Variants in DOCK4 observed in about 807,000 individuals in gnomAD.
The protein encoded by DOCK4 is dedicator of cytokinesis 4.
Under a neutral mutation model 268.1 loss-of-function variants are expected in DOCK4, and 97 were observed. The observed-to-expected ratio is 0.36, with a 90% CI of 0.31 to 0.43. DOCK4 has a LOEUF of 0.43. Among genes scored for constraint, DOCK4 ranks in the 20% least tolerant of loss-of-function variants. The pLI is 1.00. For missense variants in DOCK4, 2,145 were observed against 2,455.7 expected, an observed-to-expected ratio of 0.87 and a Z score of 2.67; for synonymous variants, 954 against 887.2, an observed-to-expected ratio of 1.08 and a Z score of -1.34.
At chr7:111,969,584 A>G (rs1482582618) in intron 8 of DOCK4, among the ~76,000 whole-genome samples, 1 of 152,002 alleles carries the variant, frequency 6.6e-6, no homozygotes, top group Non-Finnish European at 1.5e-5. Context: ...GGCATGGTAG[A>G]AAAAGAAATC....
chr7:112,150,120 G>T (rs1416140872), intron 1 of DOCK4, among the ~76,000 whole-genome samples: 1 of 152,146 alleles, frequency 6.6e-6, no homozygotes, highest in South Asian at 2.1e-4. Context: ...TAAGAGCCTA[G>T]GATATAATCT....
chr7:112,161,065 A>C (rs748359832), intron 1 of DOCK4, among the ~76,000 whole-genome samples: 1 of 152,178 alleles, frequency 6.6e-6, no homozygotes, highest in African/African-American at 2.4e-5. Context: ...TTGAAAGCAG[A>C]CATGTACTTT....
At chr7:111,850,935 C>T (rs1017286136) in intron 23 of DOCK4, among the ~76,000 whole-genome samples, 10 of 152,174 alleles carry the variant, frequency 6.6e-5, no homozygotes, top group Non-Finnish European at 1.5e-4. Flanking sequence ...TAACACTTAC[C>T]ATCCTCAGCA....
At chr7:112,136,854 C>CA (rs1448560667) in intron 1 of DOCK4, among the ~76,000 whole-genome samples, 1 of 152,100 alleles carries the variant, frequency 6.6e-6, no homozygotes. Flanking sequence ...TGTATGCCAG[C>CA]ACTGTGCTAG....
chr7:111,936,035 C>T (rs571088479), intron 11 of DOCK4, among the ~76,000 whole-genome samples: 163 of 152,262 alleles, frequency 1.1e-3, no homozygotes, highest in Admixed American at 3.3e-3. Flanking sequence ...ACCTATGAAA[C>T]ACAGATAATA....
chr7:111,804,085 T>C (rs1041932485), intron 30 of DOCK4, among the ~76,000 whole-genome samples: 1 of 152,222 alleles, frequency 6.6e-6, no homozygotes, highest in Non-Finnish European at 1.5e-5. Flanking sequence ...ATTCCACTTC[T>C]GGCTATGTAC....
intron 49 of DOCK4, among the ~76,000 whole-genome samples, chr7:111,738,695 T>C (rs1434152593): frequency 6.6e-6 from 1 of 152,198 alleles, no homozygotes; most frequent in Non-Finnish European, 1.5e-5. Flanking sequence ...CCCAGCACTT[T>C]GGGAGGCCAA....
At chr7:112,191,571 T>C (rs1563172934) in intron 1 of DOCK4, among the ~76,000 whole-genome samples, 1 of 152,156 alleles carries the variant, frequency 6.6e-6, no homozygotes, top group Non-Finnish European at 1.5e-5. Context: ...GTATCTTATT[T>C]AAAAAATAAA....
chr7:112,155,410 A>G lies in DOCK4; in HGVS notation c.37+50692T>C, dbSNP rs112183580. Among the ~76,000 whole-genome samples, 4 of 152,296 alleles carry G rather than the reference A, an allele frequency of 2.6e-5. No individual in the cohort carries two copies. The East Asian group carries it at 5.8e-4, about 22-fold the overall frequency. ...CCCCATTTTGGTTTACCCTTCCCCA[A>G]CTGAATTAAGAATGGGTGTTGAGGA... On this transcript the variant is annotated intron_variant, in intron 1 of 52. Coordinates refer to ENST00000428084, the MANE Select transcript of DOCK4 (RefSeq NM_001363540.2).
chr7:111,917,634 A>G (rs1792725087), intron 12 of DOCK4, among the ~76,000 whole-genome samples: 1 of 151,282 alleles, frequency 6.6e-6, no homozygotes, highest in South Asian at 2.1e-4. Flanking sequence ...TGGGCCCGGG[A>G]GGTGGAGCTT....
At chr7:112,003,122 T>C (rs1384184714) in intron 2 of DOCK4, among the ~76,000 whole-genome samples, 12 of 151,550 alleles carry the variant, frequency 7.9e-5, no homozygotes, top group Admixed American at 7.2e-4. Flanking sequence ...GGCTTATGCC[T>C]GTAATCTGAG....
At chr7:111,984,994 A>G (rs905148007) in intron 6 of DOCK4, among the ~76,000 whole-genome samples, 4 of 152,166 alleles carry the variant, frequency 2.6e-5, no homozygotes, top group African/African-American at 9.7e-5. Context: ...TTAACCCTTT[A>G]TGTCAGATTT....
At chr7:111,896,486 G>GCTTTTTTT (rs750840339) in intron 15 of DOCK4, among the ~76,000 whole-genome samples, 2 of 134,006 alleles carry the variant, frequency 1.5e-5, no homozygotes, top group Non-Finnish European at 1.6e-5. Flanking sequence ...TTTCCACCAA[G>GCTTTTTTT]GTTTTTTTTT....
intron 27 of DOCK4, among the ~76,000 whole-genome samples, chr7:111,814,188 C>G (rs1801365218): frequency 6.6e-6 from 1 of 152,164 alleles, no homozygotes; most frequent in Non-Finnish European, 1.5e-5. Flanking sequence ...AGAAGTTATT[C>G]CATGGCAAAG....
At chr7:112,007,540 G>C (rs1230309847) in intron 1 of DOCK4, among the ~76,000 whole-genome samples, 1 of 152,196 alleles carries the variant, frequency 6.6e-6, no homozygotes, top group East Asian at 1.9e-4. Flanking sequence ...CAATCACTGA[G>C]TTAGACAAGT....
intron 1 of DOCK4, among the ~76,000 whole-genome samples, chr7:112,042,450 C>A (rs1488139708): frequency 6.7e-6 from 1 of 148,794 alleles, no homozygotes; most frequent in East Asian, 1.9e-4. Flanking sequence ...GAACAAAATT[C>A]ACATCCAAGA....
At chr7:112,079,383 A>C (rs1808377986) in intron 1 of DOCK4, among the ~76,000 whole-genome samples, 1 of 152,132 alleles carries the variant, frequency 6.6e-6, no homozygotes, top group Non-Finnish European at 1.5e-5. Flanking sequence ...CCATTCAAAA[A>C]CTAGAACGAA....
rs878947709 is a variant in DOCK4, at chr7:111,872,305, A to G, written c.1890T>C (p.Asn630=). The change falls in exon 19 of 53, where the codon AAT becomes AAC. Residue 630 remains asparagine (N), a synonymous_variant. Transcript: ENST00000428084. ...LDTLFGILDE[N]SQKYGSKVFD... ...ACACTTTAGACCCATATTTTTGGGA[A>G]TTTTCATCTAAAATTCCAAATAAGG... 6.4e-7 allele frequency: 1 copy of G among 1,560,538 alleles called. No individual in the cohort carries two copies. The highest frequency in any genetic ancestry group is 1.2e-5 in the South Asian group (1 of 84,034).
intron 23 of DOCK4, among the ~76,000 whole-genome samples, chr7:111,852,172 C>T (rs1378289813): frequency 6.6e-6 from 1 of 152,068 alleles, no homozygotes; most frequent in Non-Finnish European, 1.5e-5. Flanking sequence ...CCATATTCCC[C>T]AGGCTGGTCT....
Sources: gnomAD v4.1 joint callset for allele counts (sites outside exome capture counted in the v4.1 genomes callset) on GRCh38, gnomAD v4.1.1 for gene constraint, MANE v1.5 for transcripts, NCBI Gene and HGNC (gene_info 2026-07-23, HGNC 2026-07-21) for gene names.